Variants in TMEM132D observed in about 807,000 individuals in gnomAD.
The protein encoded by TMEM132D is transmembrane protein 132D, also known as mature OL transmembrane protein.
In TMEM132D, 21 loss-of-function variants were observed where a neutral mutation model predicts 62.3. That is an observed-to-expected ratio of 0.34 (90% CI 0.24 to 0.49). TMEM132D has a LOEUF of 0.49. TMEM132D is among the 20% of genes least tolerant of loss of function. TMEM132D has a pLI of 0.99. For synonymous variants in TMEM132D, 621 were observed against 575.6 expected, an observed-to-expected ratio of 1.08 and a Z score of -1.13; for missense variants, 1,346 against 1,402.8, an observed-to-expected ratio of 0.96 and a Z score of 0.65.
At chr12:129,360,692 G>C (rs1870217473) in intron 3 of TMEM132D, among the ~76,000 whole-genome samples, 2 of 152,120 alleles carry the variant, frequency 1.3e-5, no homozygotes, top group South Asian at 2.1e-4. Context: ...ATGCTCTCTA[G>C]ATCAGTCCAT....
At chr12:129,689,272 G>T (rs907207508) in intron 2 of TMEM132D, among the ~76,000 whole-genome samples, 2 of 152,158 alleles carry the variant, frequency 1.3e-5, no homozygotes, top group African/African-American at 4.8e-5. Flanking sequence ...TTACTTAAAA[G>T]CTCCTGCTTC....
rs1874132196 is a variant in TMEM132D, at chr12:129,073,295, G to C, written c.*580C>G. ...TTCAGTCCTTGTCAGCCACTTCCTTGGCCTGTCCATGATCTGAGACAGCTC... is the reference window on the plus strand; with the variant it reads ...TTCAGTCCTTGTCAGCCACTTCCTTCGCCTGTCCATGATCTGAGACAGCTC... On this transcript the variant is annotated 3_prime_UTR_variant, in exon 9 of 9. Coordinates refer to ENST00000422113, the MANE Select transcript of TMEM132D (RefSeq NM_133448.3). The C allele has an allele frequency of 6.6e-6, 1 of 152,406 alleles. No homozygotes were observed. Among genetic ancestry groups the C allele is most frequent in the African/African-American group, 2.4e-5 (1 of 41,394 alleles). The allele number at this position is 152,406 out of a possible 1,614,324, so 9.4% of individuals were successfully genotyped here.
intron 5 of TMEM132D, among the ~76,000 whole-genome samples, chr12:129,169,005 A>T (rs957130980): frequency 6.6e-6 from 1 of 152,172 alleles, no homozygotes; most frequent in African/African-American, 2.4e-5. Flanking sequence ...TCACTCTAAG[A>T]ATCTACCTTT....
chr12:129,805,142 A>G (rs927146800), intron 1 of TMEM132D, among the ~76,000 whole-genome samples: 2 of 151,392 alleles, frequency 1.3e-5, no homozygotes, highest in African/African-American at 4.9e-5. Flanking sequence ...ATTCAATGTC[A>G]TCCCCATCAA....
intron 1 of TMEM132D, among the ~76,000 whole-genome samples, chr12:129,707,428 G>T (rs1881533301): frequency 6.6e-6 from 1 of 151,936 alleles, no homozygotes; most frequent in Non-Finnish European, 1.5e-5. Flanking sequence ...ATTCTAGAAA[G>T]CAAGTAAAAG....
intron 4 of TMEM132D, among the ~76,000 whole-genome samples, chr12:129,304,445 C>A (rs189471666): frequency 1.3e-5 from 2 of 152,088 alleles, no homozygotes; most frequent in African/African-American, 4.8e-5. Context: ...CCTCCAATAC[C>A]GTGCAAAGAC....
intron 3 of TMEM132D, among the ~76,000 whole-genome samples, chr12:129,457,328 A>T (rs1171605106): frequency 2.7e-5 from 4 of 150,874 alleles, no homozygotes; most frequent in Non-Finnish European, 5.9e-5. Context: ...TTCTCAGCAA[A>T]CTATTGCAAG....
chr12:129,112,759 G>A (rs1483363457), intron 5 of TMEM132D, among the ~76,000 whole-genome samples: 1 of 152,194 alleles, frequency 6.6e-6, no homozygotes, highest in Non-Finnish European at 1.5e-5. Context: ...GTGGCTGGGG[G>A]CTGACATATT....
chr12:129,354,713 G>A (rs1315878976), intron 3 of TMEM132D, among the ~76,000 whole-genome samples: 1 of 152,102 alleles, frequency 6.6e-6, no homozygotes, highest in South Asian at 2.1e-4. Context: ...CAATGAATAA[G>A]GTGACATTAT....
At position 129,485,673 on chromosome 12, in the gene TMEM132D, C is replaced by T. The variant is rs1169874211; in HGVS notation, c.1115+45386G>A. 1.3e-5 allele frequency among the ~76,000 whole-genome samples: 2 copies of T among 152,196 alleles called. 1 individual carries two copies. The highest frequency in any genetic ancestry group is 2.9e-5 in the Non-Finnish European group (2 of 68,042). ...GCCAGAAGCCATCAATGCAGGCAGA[C>T]CTCTCCACAGGAACATGCCCCTTTG... On this transcript the variant is annotated intron_variant, in intron 3 of 8. Coordinates refer to ENST00000422113, the MANE Select transcript of TMEM132D (RefSeq NM_133448.3).
In TMEM132D at chr12:129,786,488, C is replaced by T. The variant is rs1008548968; in HGVS notation, c.80-85790G>A. On this transcript the variant is annotated intron_variant, in intron 1 of 8. Coordinates refer to ENST00000422113, the MANE Select transcript of TMEM132D (RefSeq NM_133448.3). ...TAATTAATCAGCTTCCTGAAAGGAG[C>T]GAAGACGAACCTTCATGGGTATTAC... Among the ~76,000 whole-genome samples the T allele has an allele frequency of 9.2e-5, 14 of 152,314 alleles. 1 individual carries two copies. Among genetic ancestry groups the T allele is most frequent in the Admixed American group, 2.0e-4 (3 of 15,304 alleles).
chr12:129,253,912 A>T (rs1880335654), intron 4 of TMEM132D, among the ~76,000 whole-genome samples: 1 of 152,184 alleles, frequency 6.6e-6, no homozygotes, highest in Non-Finnish European at 1.5e-5. Context: ...TGAATCTAAA[A>T]AGCTATCTGA....
chr12:129,468,290 C>T (rs1448012144), intron 3 of TMEM132D, among the ~76,000 whole-genome samples: 5 of 152,158 alleles, frequency 3.3e-5, no homozygotes, highest in African/African-American at 1.2e-4. Context: ...GAAATGAGCT[C>T]CATCTCTATC....
intron 2 of TMEM132D, among the ~76,000 whole-genome samples, chr12:129,654,494 C>T (rs1355767011): frequency 6.6e-6 from 1 of 152,088 alleles, no homozygotes; most frequent in African/African-American, 2.4e-5. Flanking sequence ...AGATTTTCTT[C>T]CCCCCTAATA....
At chr12:129,890,494 T>A (rs1347377586) in intron 1 of TMEM132D, among the ~76,000 whole-genome samples, 1 of 152,220 alleles carries the variant, frequency 6.6e-6, no homozygotes, top group Non-Finnish European at 1.5e-5. Context: ...GGAGTCTAGC[T>A]GCTACCTCCT....
At chr12:129,468,560 A>G (rs1301796236) in intron 3 of TMEM132D, among the ~76,000 whole-genome samples, 3 of 11,988 alleles carry the variant, frequency 2.5e-4, no homozygotes, top group African/African-American at 4.6e-4. Context: ...CCTTCAGTCA[A>G]TAAGATTTTT....
At chr12:129,101,310 C>T (rs1018358193) in intron 5 of TMEM132D, among the ~76,000 whole-genome samples, 3 of 152,328 alleles carry the variant, frequency 2.0e-5, no homozygotes, top group East Asian at 1.9e-4. Context: ...GTAGTATAAA[C>T]GCTCGTGATT....
intron 4 of TMEM132D, among the ~76,000 whole-genome samples, chr12:129,246,627 A>G (rs1880122384): frequency 6.6e-6 from 1 of 152,128 alleles, no homozygotes; most frequent in South Asian, 2.1e-4. Flanking sequence ...GTGGTGGTGC[A>G]TGCTATATCC....
intron 3 of TMEM132D, among the ~76,000 whole-genome samples, chr12:129,396,870 C>T (rs1362620785): frequency 6.6e-6 from 1 of 152,110 alleles, no homozygotes; most frequent in Non-Finnish European, 1.5e-5. Flanking sequence ...GCAATCTATG[C>T]CTATCTTGCC....
Sources: allele counts gnomAD v4.1 joint callset (sites outside exome capture counted in the v4.1 genomes callset), GRCh38; gene constraint gnomAD v4.1.1; transcripts MANE v1.5; gene names NCBI Gene and HGNC (gene_info 2026-07-23, HGNC 2026-07-21).